The following PRTFDC1 variants were observed in gnomAD, a reference collection of about 807,000 sequenced individuals.
PRTFDC1 encodes phosphoribosyl transferase domain containing 1.
In PRTFDC1, 38 loss-of-function variants were observed where a neutral mutation model predicts 34.6. The ratio of observed to expected loss-of-function variants is 1.10; its 90% confidence interval spans 0.85 to 1.44. The LOEUF is 1.44. PRTFDC1 is among the 40% of genes most tolerant of loss of function. The pLI is 0.00. For missense variants in PRTFDC1, 270 were observed against 283.0 expected, an observed-to-expected ratio of 0.95 and a Z score of 0.33; for synonymous variants, 93 against 98.1, an observed-to-expected ratio of 0.95 and a Z score of 0.31.
intron 3 of PRTFDC1, among the ~76,000 whole-genome samples, chr10:24,935,523 A>G (rs930896590): frequency 1.3e-5 from 2 of 152,214 alleles, no homozygotes; most frequent in Admixed American, 6.5e-5. Flanking sequence ...TGAGAGTCAC[A>G]TGAGGAATGT....
intron 3 of PRTFDC1, among the ~76,000 whole-genome samples, chr10:24,892,228 C>G (rs921774325): frequency 2.0e-5 from 3 of 152,144 alleles, no homozygotes; most frequent in African/African-American, 7.2e-5. Flanking sequence ...CTCAAGCAAT[C>G]CACCCACTTT....
intron 3 of PRTFDC1, among the ~76,000 whole-genome samples, chr10:24,891,990 G>A (rs10828718): frequency 0.52 from 79,040 of 151,956 alleles, 21,441 homozygotes; most frequent in South Asian, 0.7. Context: ...GGCTGAGTGT[G>A]TATCTACCAC....
At chr10:24,855,773 T>A (rs1292498951) in intron 6 of PRTFDC1, among the ~76,000 whole-genome samples, 1 of 151,868 alleles carries the variant, frequency 6.6e-6, no homozygotes, top group East Asian at 1.9e-4. Flanking sequence ...CCAGCCTAGG[T>A]GACAGAAAGA....
At chr10:24,862,470 G>T (rs2132499017) in intron 4 of PRTFDC1, among the ~76,000 whole-genome samples, 1 of 152,138 alleles carries the variant, frequency 6.6e-6, no homozygotes, top group South Asian at 2.1e-4. Flanking sequence ...TGCCTCTTGG[G>T]TTCAAGTGAT....
intron 3 of PRTFDC1, among the ~76,000 whole-genome samples, chr10:24,876,078 T>C (rs1304493301): frequency 6.6e-6 from 1 of 152,244 alleles, no homozygotes; most frequent in Middle Eastern, 3.4e-3. Context: ...CTTTTTGTTC[T>C]TTTTAAAAAT....
intron 3 of PRTFDC1, among the ~76,000 whole-genome samples, chr10:24,912,729 C>G (rs1429287606): frequency 6.6e-6 from 1 of 152,088 alleles, no homozygotes; most frequent in Non-Finnish European, 1.5e-5. Flanking sequence ...TTCTCTTTTA[C>G]CTCATATCCA....
chr10:24,871,978 GCA>G lies in PRTFDC1; in HGVS notation c.405+18_405+19del. 2 of 1,593,396 alleles carry G rather than the reference GCA, an allele frequency of 1.3e-6. No homozygotes were observed. Among genetic ancestry groups the G allele is most frequent in the South Asian group, 2.2e-5 (2 of 90,576 alleles). On this transcript the variant is annotated intron_variant, in intron 4 of 8. Transcript: ENST00000320152. ...GCCCCCAGACCTCAATGCGGTCTGA[GCA>G]CAGTTACATGAACAAACCTTTCCAG...
At chr10:24,936,285 A>G (rs1259889911) in intron 3 of PRTFDC1, among the ~76,000 whole-genome samples, 2 of 152,008 alleles carry the variant, frequency 1.3e-5, no homozygotes, top group Non-Finnish European at 2.9e-5. Context: ...TAAGGAAACA[A>G]CAGCTTTTTT....
intron 3 of PRTFDC1, among the ~76,000 whole-genome samples, chr10:24,886,169 T>C (rs1035715612): frequency 2.0e-5 from 3 of 152,226 alleles, no homozygotes; most frequent in Admixed American, 6.5e-5. Context: ...ATGTAGGTTT[T>C]ATTGTAACAA....
chr10:24,951,297 C>G (rs141442312), intron 1 of PRTFDC1, among the ~76,000 whole-genome samples: 49 of 152,178 alleles, frequency 3.2e-4, no homozygotes, highest in African/African-American at 1.2e-3. Context: ...GAAATTTTCT[C>G]TATTTGTTTA....
chr10:24,931,314 A>G (rs561032968), intron 3 of PRTFDC1, among the ~76,000 whole-genome samples: 4 of 152,258 alleles, frequency 2.6e-5, no homozygotes, highest in East Asian at 3.9e-4. Context: ...CTCAACTTTC[A>G]TTTTATGAAA....
At chr10:24,886,200 A>T (rs1275590728) in intron 3 of PRTFDC1, among the ~76,000 whole-genome samples, 1 of 152,086 alleles carries the variant, frequency 6.6e-6, no homozygotes, top group African/African-American at 2.4e-5. Context: ...CTGGCAGGGG[A>T]TGTTGATAAG....
chr10:24,931,909 AT>A (rs1564316936), intron 3 of PRTFDC1, among the ~76,000 whole-genome samples: 1 of 97,016 alleles, frequency 1.0e-5, no homozygotes, highest in African/African-American at 5.5e-5. Context: ...AAAAGGCACT[AT>A]AAGAAAAAAA....
intron 3 of PRTFDC1, among the ~76,000 whole-genome samples, chr10:24,925,558 G>A (rs1320697824): frequency 1.3e-5 from 2 of 152,184 alleles, no homozygotes; most frequent in South Asian, 2.1e-4. Flanking sequence ...ATTAATACAA[G>A]CATATTTTTT....
intron 3 of PRTFDC1, among the ~76,000 whole-genome samples, chr10:24,880,811 T>TTCTC (rs1304323137): frequency 2.3e-4 from 32 of 137,234 alleles, no homozygotes; most frequent in African/African-American, 8.2e-4. Flanking sequence ...TTTACTGTCT[T>TTCTC]TCTCTTTCTT....
chr10:24,904,917 T>A (rs1360655695), intron 3 of PRTFDC1, among the ~76,000 whole-genome samples: 2 of 152,194 alleles, frequency 1.3e-5, no homozygotes, highest in Non-Finnish European at 2.9e-5. Flanking sequence ...TTATCTCTTA[T>A]CAAGATATCT....
At chr10:24,878,716 T>C (rs1443839845) in intron 3 of PRTFDC1, among the ~76,000 whole-genome samples, 1 of 152,042 alleles carries the variant, frequency 6.6e-6, no homozygotes, top group Non-Finnish European at 1.5e-5. Context: ...TTTGAGAACA[T>C]TCAGGAAAAA....
In PRTFDC1 at chr10:24,895,727, A is replaced by C. The variant is rs1359384524; in HGVS notation, c.340-23664T>G. On this transcript the variant is annotated intron_variant, in intron 3 of 8. Transcript: ENST00000320152. ...TATATATATATATATATATATATAT[A>C]TCTGTAAATACATACACATGCATAC... Among the ~76,000 whole-genome samples the C allele has an allele frequency of 2.9e-5, 4 of 138,442 alleles. No individual in the cohort carries two copies. In the East Asian group the frequency reaches 8.5e-4, roughly 29 times the overall value. 90.8% of individuals were successfully genotyped at this position (138,442 alleles called of 152,430 possible).
rs542168881 is a variant in PRTFDC1, at chr10:24,882,507, T to C, written c.340-10444A>G. 2.0e-5 allele frequency among the ~76,000 whole-genome samples: 3 copies of C among 152,294 alleles called. No homozygotes were observed. The East Asian group carries it at 5.8e-4, about 29-fold the overall frequency. ...GAAACTTGTAAGCGCGCATGTTAGC[T>C]GCATTTTTAATGCTTCTTCCCCACC... On this transcript the variant is annotated intron_variant, in intron 3 of 8. Coordinates refer to ENST00000320152, the MANE Select transcript of PRTFDC1 (RefSeq NM_020200.7).
Sources: allele counts gnomAD v4.1 joint callset (sites outside exome capture counted in the v4.1 genomes callset), GRCh38; gene constraint gnomAD v4.1.1; transcripts MANE v1.5; gene names NCBI Gene and HGNC (gene_info 2026-07-23, HGNC 2026-07-21).